NOTUM: variants seen among roughly 807,000 people sequenced by gnomAD.
The protein encoded by NOTUM is notum, palmitoleoyl-protein carboxylesterase, also known as palmitoleoyl-protein carboxylesterase NOTUM.
NOTUM carries 36 observed loss-of-function variants against 65.5 expected under a neutral mutation model. The ratio of observed to expected loss-of-function variants is 0.55; its 90% CI spans 0.42 to 0.73. The LOEUF is 0.73. Ranked by LOEUF, NOTUM falls within the 30% of genes least tolerant of loss-of-function variation. The pLI is 0.00. For missense variants in NOTUM, 659 were observed against 694.2 expected (o/e 0.95, Z 0.57); for synonymous variants, 356 against 297.9 (o/e 1.20, Z -2.01).
intron 9 of NOTUM, among the ~76,000 whole-genome samples, chr17:81,955,189 C>T (rs909692750): frequency 2.6e-5 from 4 of 152,142 alleles, no homozygotes; most frequent in African/African-American, 9.7e-5. Flanking sequence ...CCATGTTGGC[C>T]AGGCTGGTCT....
intron 10 of NOTUM, 66 bp from the exon 11 acceptor site, chr17:81,953,333 T>C: frequency 9.3e-7 from 1 of 1,071,848 alleles, no homozygotes; most frequent in Non-Finnish European, 1.4e-6. Context: ...GGCAGCTGTT[T>C]TTTTTTTTGA....
Position 81,952,650 on chromosome 17 carries a change from G to A in NOTUM, c.*311C>T. 2.5e-6 allele frequency: 1 copy of A among 406,236 alleles called. No homozygotes were observed. The highest frequency in any genetic ancestry group is 5.2e-5 in the South Asian group (1 of 19,398). The allele number at this position is 406,236 out of a possible 1,614,324, so 25.2% of individuals were successfully genotyped here. A position where few individuals can be genotyped will look rare whatever the true frequency, so the allele number is the denominator to read the frequency against. On this transcript the variant is annotated 3_prime_UTR_variant, in exon 11 of 11. Coordinates refer to ENST00000409678, the MANE Select transcript of NOTUM (RefSeq NM_178493.6). ...AAAATAATATAAAAGGGCTTGATGGGTGGGGCCGGTGGGTGCTGTCTGAGC... is the reference window on the plus strand; with the variant it reads ...AAAATAATATAAAAGGGCTTGATGGATGGGGCCGGTGGGTGCTGTCTGAGC...
In NOTUM at chr17:81,956,653, G is replaced by T. The variant is rs753745399; in HGVS notation, c.985C>A (p.Arg329Ser). 1 of 1,607,048 alleles carries T rather than the reference G, an allele frequency of 6.2e-7. No homozygotes were observed. Among genetic ancestry groups the T allele is most frequent in the Non-Finnish European group, 8.5e-7 (1 of 1,174,618 alleles). ...FFGYKVYPTLRCPVFVVQWLF... is the reference protein window; with the variant it reads ...FFGYKVYPTLSCPVFVVQWLF... ...CTCCGCTCTGCCGCCCACTCACAGCGCAGGGTCGGGTAGACCTTGTAGCCA... is the reference window on the plus strand; with the variant it reads ...CTCCGCTCTGCCGCCCACTCACAGCTCAGGGTCGGGTAGACCTTGTAGCCA... The change falls in exon 8 of 11, where the codon CGC becomes AGC. Residue 329 changes from arginine to serine, a missense_variant. Physicochemically the swap from Arg to Ser is moderately radical, Grantham distance 110. Coordinates refer to ENST00000409678, the MANE Select transcript of NOTUM (RefSeq NM_178493.6).
Position 81,960,949 on chromosome 17 carries a change from G to C in NOTUM, c.-40C>G. 2 of 1,131,074 alleles carry C rather than the reference G, an allele frequency of 1.8e-6. No homozygotes were observed. Among genetic ancestry groups the C allele is most frequent in the East Asian group, 7.4e-5 (2 of 26,994 alleles). The allele number at this position is 1,131,074 out of a possible 1,614,324, so 70.1% of individuals were successfully genotyped here. Reference sequence around the variant, plus strand: ...GCGGGGAGCGGGCGGCCTTGAGGCGGCGGCGGCGGCGGCGGGGGATGCCGG... The same window carrying C: ...GCGGGGAGCGGGCGGCCTTGAGGCGCCGGCGGCGGCGGCGGGGGATGCCGG... On this transcript the variant is annotated 5_prime_UTR_variant, in exon 1 of 11. Transcript: ENST00000409678. The surrounding 1 kb of genome is among the most constrained non-coding windows in gnomAD (Gnocchi z 6.4).
chr17:81,958,422 A>C, intron 4 of NOTUM, 29 bp from the exon 5 acceptor site: 1 of 1,557,578 alleles, frequency 6.4e-7, no homozygotes, highest in East Asian at 2.2e-5. Context: ...TGAGCCTGTC[A>C]CAGCGCCTGC....
At chr17:81,954,187 G>T (rs1027031580) in intron 10 of NOTUM, 69 bp downstream of exon 10, 1 of 1,151,548 alleles carries the variant, frequency 8.7e-7, no homozygotes, top group Non-Finnish European at 1.3e-6. Context: ...GGCCAAGTGC[G>T]GTTGGGGAGC....
Position 81,960,666 on chromosome 17 carries a change from C to T in NOTUM, c.244G>A (p.Ala82Thr). Residue 82 changes from alanine (A) to threonine (T), a missense_variant, in exon 1 of 11, where the codon GCG becomes ACG. Transcript: ENST00000409678. This position sits in a 1 kb window ranked among gnomAD's most constrained non-coding sequence, Gnocchi z 6.4. ...SLAQSLYPCS[A>T]QQLNEDLRLH... ...CGCAGGTCCTCGTTGAGCTGCTGCG[C>T]GGAGCAGGGGTACAGGGACTGCGCC... The T allele has an allele frequency of 6.3e-7, 1 of 1,590,362 alleles. No homozygotes were observed. The highest frequency in any genetic ancestry group is 8.6e-7 in the Non-Finnish European group (1 of 1,167,926).
intron 4 of NOTUM, among the ~76,000 whole-genome samples, 178 bp from the exon 5 acceptor site, chr17:81,958,571 G>A (rs1025103197): frequency 6.6e-6 from 1 of 151,050 alleles, no homozygotes; most frequent in Non-Finnish European, 1.5e-5. Flanking sequence ...TCCTCAGGAA[G>A]AACCAACCCA....
At chr17:81,956,840 G>A (rs1319087930) in intron 7 of NOTUM, 43 bp downstream of exon 7, 3 of 1,598,338 alleles carry the variant, frequency 1.9e-6, no homozygotes, top group South Asian at 2.2e-5. Flanking sequence ...GCCCTTCTGG[G>A]GCAAAGCTGC....
chr17:81,956,724 C>T lies in NOTUM; in HGVS notation c.914G>A (p.Arg305His), dbSNP rs376813903. Residue 305 changes from arginine to histidine, a missense_variant, in exon 8 of 11, where the codon CGC (arginine) becomes CAC (histidine). Physicochemically the swap from Arg to His is conservative, Grantham distance 29. Coordinates refer to ENST00000409678, the MANE Select transcript of NOTUM (RefSeq NM_178493.6). ...IRYWNGVVPE[R>H]CRRQFQEGEE... The stretch of plus-strand genomic sequence containing the variant: ...GCCCTCCTGGAACTGGCGTCGGCAG[C>T]GCTCCGGGACCACCCCGTTCCAGTA... 88 of 1,612,664 alleles carry T rather than the reference C, an allele frequency of 5.5e-5. No individual in the cohort carries two copies. Among genetic ancestry groups the T allele is most frequent in the Non-Finnish European group, 7.0e-5 (82 of 1,179,802 alleles).
chr17:81,953,228 G>T lies in NOTUM; in HGVS notation c.1224C>A (p.Pro408=). Residue 408 remains proline, a synonymous_variant, in exon 11 of 11, where the codon CCC becomes CCA. Transcript: ENST00000409678. The part of the protein sequence containing the change: ...TDVQVKGTSL[P]RALHCWDRSL... ...TCCTGTCCCAGCAGTGCAGTGCTCG[G>T]GGCAGCGACGTCCCCTTCACCTGGA... 6.2e-7 allele frequency: 1 copy of T among 1,611,926 alleles called. No homozygotes were observed. Among genetic ancestry groups the T allele is most frequent in the Non-Finnish European group, 8.5e-7 (1 of 1,179,624 alleles).
chr17:81,959,692 G>C lies in NOTUM; in HGVS notation c.324C>G (p.Gly108=). ...SVTCNDGSPA[G]YYLKESRGSR... The stretch of plus-strand genomic sequence containing the variant: ...TGCCCCTGGACTCCTTCAGGTAGTA[G>C]CTGCGGGGGAGGACGCACCGCGGGG... Residue 108 remains glycine (G), a splice_region_variant and synonymous_variant, in exon 2 of 11, where the codon GGC becomes GGG. Coordinates refer to ENST00000409678, the MANE Select transcript of NOTUM (RefSeq NM_178493.6). 1 of 1,507,386 alleles carries C rather than the reference G, an allele frequency of 6.6e-7. No homozygotes were observed. Among genetic ancestry groups the C allele is most frequent in the Non-Finnish European group, 8.9e-7 (1 of 1,128,064 alleles). The allele number at this position is 1,507,386 out of a possible 1,614,324, so 93.4% of individuals were successfully genotyped here.
At chr17:81,954,479 C>T (rs553039152) in intron 9 of NOTUM, among the ~76,000 whole-genome samples, 176 bp from the exon 10 acceptor site, 1 of 152,336 alleles carries the variant, frequency 6.6e-6, no homozygotes, top group South Asian at 2.1e-4. Context: ...TGACCCTTAT[C>T]GCTTTGTGCC....
At position 81,961,000 on chromosome 17, in the gene NOTUM, C is replaced by T; in HGVS notation, c.-91G>A. On this transcript the variant is annotated 5_prime_UTR_variant, in exon 1 of 11. Transcript: ENST00000409678. The surrounding 1 kb of genome is among the most constrained non-coding windows in gnomAD (Gnocchi z 6.4). Reference sequence around the variant, plus strand: ...GCCGGGGGTGCCGGGCCGGGGGTGTCGGGGGCACTGGCCGCTCCTGCTCCC... The same window carrying T: ...GCCGGGGGTGCCGGGCCGGGGGTGTTGGGGGCACTGGCCGCTCCTGCTCCC... The T allele has an allele frequency of 3.3e-6, 2 of 605,924 alleles. No individual in the cohort carries two copies. The highest frequency in any genetic ancestry group is 4.5e-6 in the Non-Finnish European group (2 of 449,132). The allele number at this position is 605,924 out of a possible 1,614,324, so 37.5% of individuals were successfully genotyped here. A position where few individuals can be genotyped will look rare whatever the true frequency, so the allele number is the denominator to read the frequency against.
At chr17:81,957,282 T>G (rs770528880) in intron 6 of NOTUM, among the ~76,000 whole-genome samples, 9 of 152,140 alleles carry the variant, frequency 5.9e-5, no homozygotes, top group Non-Finnish European at 1.2e-4. Context: ...AGGCCACATT[T>G]CCCTGACACA....
chr17:81,961,034 G>T lies in NOTUM; in HGVS notation c.-125C>A. 3.0e-6 allele frequency: 1 copy of T among 331,136 alleles called. No homozygotes were observed. The highest frequency in any genetic ancestry group is 4.6e-6 in the Non-Finnish European group (1 of 216,876). The allele number at this position is 331,136 out of a possible 1,614,324, so 20.5% of individuals were successfully genotyped here. On this transcript the variant is annotated 5_prime_UTR_variant, in exon 1 of 11. Transcript: ENST00000409678. ...TGGCCGCTCCTGCTCCCTCGCCCCC[G>T]CTCCCGCCCGCCGGGCCTGGCGGAG...
chr17:81,958,185 G>A (rs2041447701), intron 5 of NOTUM, 150 bp downstream of exon 5: 2 of 661,162 alleles, frequency 3.0e-6, no homozygotes, highest in African/African-American at 1.8e-5. Context: ...TACTGTCAAG[G>A]GCTTTGAAAG....
At chr17:81,956,605 G>A in intron 8 of NOTUM, 45 bp downstream of exon 8, 2 of 1,324,014 alleles carry the variant, frequency 1.5e-6, no homozygotes, top group Non-Finnish European at 2.2e-6. Context: ...AAGGAAGTGT[G>A]GCCACCCCTG....
At position 81,952,675 on chromosome 17, in the gene NOTUM, C is replaced by G. The variant is rs2041395951; in HGVS notation, c.*286G>C. 4.0e-6 allele frequency: 2 copies of G among 505,096 alleles called. No homozygotes were observed. The highest frequency in any genetic ancestry group is 2.8e-5 in the South Asian group (1 of 35,966). 31.3% of individuals were successfully genotyped at this position (505,096 alleles called of 1,614,324 possible). A position where few individuals can be genotyped will look rare whatever the true frequency, so the allele number is the denominator to read the frequency against. ...GTGGGGCCGGTGGGTGCTGTCTGAGCTGGTGGACTGAGGAATCCAGTGCTT... is the reference window on the plus strand; with the variant it reads ...GTGGGGCCGGTGGGTGCTGTCTGAGGTGGTGGACTGAGGAATCCAGTGCTT... On this transcript the variant is annotated 3_prime_UTR_variant, in exon 11 of 11. Transcript: ENST00000409678.
Sources: gnomAD v4.1 joint callset for allele counts (sites outside exome capture counted in the v4.1 genomes callset) on GRCh38, gnomAD v4.1.1 for gene constraint, Gnocchi (gnomAD v3.1) non-coding constraint, MANE v1.5 for transcripts, NCBI Gene and HGNC (gene_info 2026-07-23, HGNC 2026-07-21) for gene names.